The following PRMT8 variants were observed in gnomAD, a reference collection of about 807,000 sequenced individuals.
PRMT8 encodes protein arginine methyltransferase 8, also known as protein arginine N-methyltransferase 8.
Under a neutral mutation model 47.1 loss-of-function variants are expected in PRMT8, and 7 were observed. That is an observed-to-expected ratio of 0.15 (90% confidence interval 0.08 to 0.28). PRMT8 has a LOEUF of 0.28. Ranked by LOEUF, PRMT8 falls within the 10% of genes least tolerant of loss-of-function variation. PRMT8 has a pLI of 1.00. For synonymous variants in PRMT8, 188 were observed against 186.5 expected (o/e 1.01, Z -0.07); for missense variants, 237 against 505.4 (o/e 0.47, Z 5.09).
rs138531712 is a variant in PRMT8 at position 3,573,781 on chromosome 12, C to G, written c.713-3090C>G. Among the ~76,000 whole-genome samples the G allele has an allele frequency of 3.3e-5, 5 of 152,218 alleles. No individual in the cohort carries two copies. In the East Asian group the frequency reaches 9.6e-4, roughly 29 times the overall value. On this transcript the variant is annotated intron_variant, in intron 6 of 9. Transcript: ENST00000382622. Reference sequence around the variant, plus strand: ...CCATTAACAAAAGCTTCACAGGCCTCTCTGATATTATTTTTTAATTTCTAG... The same window carrying G: ...CCATTAACAAAAGCTTCACAGGCCTGTCTGATATTATTTTTTAATTTCTAG...
At chr12:3,403,964 T>C (rs1182186370) in intron 1 of PRMT8, among the ~76,000 whole-genome samples, 1 of 151,930 alleles carries the variant, frequency 6.6e-6, no homozygotes, top group Non-Finnish European at 1.5e-5. Context: ...GAAAACATAT[T>C]TGTAATTTTT....
intron 1 of PRMT8, among the ~76,000 whole-genome samples, chr12:3,505,222 C>T (rs1865602386): frequency 1.3e-5 from 2 of 152,172 alleles, no homozygotes; most frequent in Admixed American, 6.5e-5. Context: ...ATCTTGGCTC[C>T]TCCTCCCCAA....
chr12:3,460,552 A>G (rs1288556660), intron 1 of PRMT8, among the ~76,000 whole-genome samples: 1 of 152,184 alleles, frequency 6.6e-6, no homozygotes, highest in African/African-American at 2.4e-5. Context: ...GGAGGAAGAG[A>G]AAGAAGGGAA....
At chr12:3,542,896 C>T (rs1007608435) in intron 2 of PRMT8, among the ~76,000 whole-genome samples, 1 of 152,250 alleles carries the variant, frequency 6.6e-6, no homozygotes, top group African/African-American at 2.4e-5. Flanking sequence ...GTTGACATGG[C>T]TGCTAATCCA....
chr12:3,446,244 T>C (rs565710668), intron 1 of PRMT8, among the ~76,000 whole-genome samples: 4 of 152,146 alleles, frequency 2.6e-5, no homozygotes, highest in Non-Finnish European at 5.9e-5. Flanking sequence ...ATTATTTTGC[T>C]TGGAAGGACA....
chr12:3,447,481 C>G (rs1864870483), intron 1 of PRMT8, among the ~76,000 whole-genome samples: 1 of 152,094 alleles, frequency 6.6e-6, no homozygotes. Flanking sequence ...GCTGAGGCGC[C>G]CCCCTCTCCC....
chr12:3,438,660 C>T (rs1398606890), intron 1 of PRMT8, among the ~76,000 whole-genome samples: 4 of 152,212 alleles, frequency 2.6e-5, no homozygotes, highest in African/African-American at 9.7e-5. Flanking sequence ...AGGACCCCTC[C>T]GTCCATTTGC....
intron 2 of PRMT8, among the ~76,000 whole-genome samples, chr12:3,548,399 A>T (rs1374996989): frequency 1.3e-5 from 2 of 152,230 alleles, no homozygotes; most frequent in Non-Finnish European, 2.9e-5. Context: ...CAAATCACAG[A>T]TTGGGAGAAG....
intron 1 of PRMT8, among the ~76,000 whole-genome samples, chr12:3,464,798 G>A (rs866666006): frequency 1.3e-5 from 2 of 152,058 alleles, no homozygotes; most frequent in Non-Finnish European, 2.9e-5. Flanking sequence ...TCTTTCATTC[G>A]CATAAACAGA....
At chr12:3,491,729 G>T in intron 1 of PRMT8, 29 bp downstream of exon 1, 2 of 1,588,140 alleles carry the variant, frequency 1.3e-6, no homozygotes, top group African/African-American at 1.4e-5. Flanking sequence ...AGGGGCTCTC[G>T]GAGACCCCGC....
chr12:3,387,110 A>G (rs1285720561), intron 1 of PRMT8, among the ~76,000 whole-genome samples: 3 of 152,238 alleles, frequency 2.0e-5, no homozygotes, highest in Admixed American at 2.0e-4. Flanking sequence ...AGTGCCTGAC[A>G]CAAAGGAAGG....
chr12:3,532,573 C>T (rs1866048547), intron 1 of PRMT8, among the ~76,000 whole-genome samples: 1 of 126,418 alleles, frequency 7.9e-6, no homozygotes, highest in Admixed American at 9.1e-5. Flanking sequence ...GATCACGCCA[C>T]TGCACTCCAG....
chr12:3,402,250 A>T (rs1198060342), intron 1 of PRMT8, among the ~76,000 whole-genome samples: 1 of 151,460 alleles, frequency 6.6e-6, no homozygotes, highest in Non-Finnish European at 1.5e-5. Context: ...AGTTAATAGG[A>T]ACTGGGAGAA....
intron 1 of PRMT8, among the ~76,000 whole-genome samples, chr12:3,442,320 A>G (rs971667708): frequency 3.3e-5 from 5 of 152,138 alleles, no homozygotes; most frequent in Non-Finnish European, 7.4e-5. Context: ...GAAATACAAG[A>G]TTGAAAATGA....
At chr12:3,517,873 G>C (rs1426114483) in intron 1 of PRMT8, among the ~76,000 whole-genome samples, 1 of 152,132 alleles carries the variant, frequency 6.6e-6, no homozygotes, top group Non-Finnish European at 1.5e-5. Context: ...GGCCTAAAGA[G>C]CCTATTTGTC....
At chr12:3,567,199 C>T (rs543245894) in intron 4 of PRMT8, among the ~76,000 whole-genome samples, 1 of 152,364 alleles carries the variant, frequency 6.6e-6, no homozygotes, top group Non-Finnish European at 1.5e-5. Context: ...GGGCCTGGCA[C>T]TCCACATGTG....
chr12:3,538,805 CT>C lies in PRMT8; in HGVS notation c.76-1800del. 2.0e-6 allele frequency: 1 copy of C among 509,702 alleles called. No individual in the cohort carries two copies. The highest frequency in any genetic ancestry group is 3.9e-6 in the Non-Finnish European group (1 of 253,562). 31.6% of individuals were successfully genotyped at this position (509,702 alleles called of 1,614,324 possible). On this transcript the variant is annotated intron_variant, in intron 1 of 9. Coordinates refer to ENST00000382622, the MANE Select transcript of PRMT8 (RefSeq NM_019854.5). This position sits in a 1 kb window ranked among gnomAD's most constrained non-coding sequence, Gnocchi z 4.6. Reference sequence around the variant, plus strand: ...CATCCCAAGCTGAGAGTGGGCACACCTGCTGCATTCTAATGAGGCAGCCCCA... The same window carrying C: ...CATCCCAAGCTGAGAGTGGGCACACCGCTGCATTCTAATGAGGCAGCCCCA...
At chr12:3,405,552 C>G (rs1864364350) in intron 1 of PRMT8, among the ~76,000 whole-genome samples, 1 of 152,214 alleles carries the variant, frequency 6.6e-6, no homozygotes, top group African/African-American at 2.4e-5. Flanking sequence ...AAATCAAAAG[C>G]AAGTTAGTTA....
chr12:3,586,399 C>T (rs2137233113), intron 8 of PRMT8, among the ~76,000 whole-genome samples: 1 of 152,308 alleles, frequency 6.6e-6, no homozygotes, highest in South Asian at 2.1e-4. Context: ...GACCAAGGAT[C>T]TAAACCCAGT....
Sources: allele counts gnomAD v4.1 joint callset (sites outside exome capture counted in the v4.1 genomes callset), GRCh38; gene constraint gnomAD v4.1.1; non-coding constraint Gnocchi (gnomAD v3.1); transcripts MANE v1.5; gene names NCBI Gene and HGNC (gene_info 2026-07-23, HGNC 2026-07-21).